Variants in DOCK11 observed in about 807,000 individuals in gnomAD.
The protein encoded by DOCK11 is dedicator of cytokinesis protein 11.
DOCK11 carries 70 observed loss-of-function variants against 169.1 expected under a neutral mutation model. The ratio of observed to expected loss-of-function variants is 0.41; its 90% CI spans 0.34 to 0.51. DOCK11 has a LOEUF of 0.51. Ranked by LOEUF, DOCK11 falls within the 20% of genes least tolerant of loss-of-function variation. The probability of loss-of-function intolerance (pLI) is 0.10; values close to 1 mark genes in which losing one functional copy is unlikely to be tolerated. For synonymous variants in DOCK11, 529 were observed against 541.3 expected (o/e 0.98, Z 0.32); for missense variants, 1,166 against 1,538.8 (o/e 0.76, Z 4.05).
intron 1 of DOCK11, among the ~76,000 whole-genome samples, chrX:118,510,366 G>A (rs2057642760): frequency 8.9e-6 from 1 of 112,425 alleles, no homozygotes; most frequent in South Asian, 3.7e-4. Context: ...ATACAGGTCT[G>A]CAGTCTGCAA....
intron 18 of DOCK11, among the ~76,000 whole-genome samples, chrX:118,589,216 GA>G (rs1202108584): frequency 9.3e-6 from 1 of 108,094 alleles, no homozygotes; most frequent in Non-Finnish European, 1.9e-5. Context: ...TTTGAAAAGA[GA>G]TTTTTTTTTT....
At chrX:118,560,431 C>G (rs2012868578) in intron 6 of DOCK11, among the ~76,000 whole-genome samples, 1 of 111,708 alleles carries the variant, frequency 9.0e-6, no homozygotes, top group Non-Finnish European at 1.9e-5. Flanking sequence ...AGACAAGATG[C>G]ATAGGAATGC....
intron 1 of DOCK11, among the ~76,000 whole-genome samples, chrX:118,534,581 G>A (rs992274720): frequency 1.8e-5 from 2 of 111,953 alleles, no homozygotes; most frequent in Non-Finnish European, 3.8e-5. Flanking sequence ...AAAGGCCTTC[G>A]AAATCATATT....
chrX:118,677,337 C>G lies in DOCK11; in HGVS notation c.5460+600C>G, dbSNP rs777900871. On this transcript the variant is annotated intron_variant, in intron 48 of 52. Transcript: ENST00000276202. ...GCCCTGCCAAGGCATAGTGAGAAGG[C>G]TTATATTATAGCAAGAGAGGCCCTT... is the stretch of plus-strand genomic sequence containing the variant. Among the ~76,000 whole-genome samples the G allele has an allele frequency of 1.6e-4, 18 of 112,294 alleles. No individual in the cohort carries two copies. The South Asian group carries it at 6.6e-3, about 41-fold the overall frequency.
intron 6 of DOCK11, among the ~76,000 whole-genome samples, chrX:118,558,379 C>T (rs1174169721): frequency 1.8e-5 from 2 of 111,654 alleles, no homozygotes; most frequent in African/African-American, 6.5e-5. Context: ...CTATTGGTTA[C>T]AAAAGGCTCG....
chrX:118,653,676 A>G (rs1377370787), intron 42 of DOCK11, among the ~76,000 whole-genome samples: 1 of 111,759 alleles, frequency 8.9e-6, no homozygotes, highest in Non-Finnish European at 1.9e-5. Context: ...GGCCTCCCAA[A>G]GTGCTGGGAT....
chrX:118,605,347 A>G lies in DOCK11; in HGVS notation c.2672A>G (p.Asn891Ser). The G allele has an allele frequency of 8.6e-7, 1 of 1,160,074 alleles. No individual in the cohort carries two copies. The highest frequency in any genetic ancestry group is 1.2e-6 in the Non-Finnish European group (1 of 858,766). ...ACCCATGAAGATGACGTTCCTATCA[A>G]CTGCACCATGTGAGTTTTGGTGTTA... ...NMTHEDDVPINCTMVLLHIVS... is the reference protein window; with the variant it reads ...NMTHEDDVPISCTMVLLHIVS... Residue 891 changes from asparagine to serine, a missense_variant, in exon 24 of 53, where the codon AAC (asparagine) becomes AGC (serine). Transcript: ENST00000276202.
At position 118,496,022 on chromosome X, in the gene DOCK11, G is replaced by A; in HGVS notation, c.51G>A (p.Ala17=). ...AACGGCTCAGCAAGCCTGGCACGGC[G>A]GCTGAGCTCCGGCAGAGCGTGTCTG... ...FTKRLSKPGT[A]AELRQSVSEA... The change falls in exon 1 of 53, where the codon GCG becomes GCA. Residue 17 remains alanine (A), a synonymous_variant. Transcript: ENST00000276202. 9.1e-7 allele frequency: 1 copy of A among 1,097,484 alleles called. No individual in the cohort carries two copies. The highest frequency in any genetic ancestry group is 1.2e-6 in the Non-Finnish European group (1 of 844,234). 90.4% of individuals were successfully genotyped at this position (1,097,484 alleles called of 1,213,427 possible). A position where few individuals can be genotyped will look rare whatever the true frequency, so the allele number is the denominator to read the frequency against.
chrX:118,671,554 C>T (rs961147955), intron 46 of DOCK11, among the ~76,000 whole-genome samples: 1 of 111,829 alleles, frequency 8.9e-6, no homozygotes, highest in Non-Finnish European at 1.9e-5. Context: ...TTCCTCTGGT[C>T]CTGCTTATGA....
At chrX:118,570,214 A>G (rs755446723) in intron 10 of DOCK11, among the ~76,000 whole-genome samples, 5 of 112,050 alleles carry the variant, frequency 4.5e-5, no homozygotes, top group Non-Finnish European at 9.4e-5. Flanking sequence ...ACCTTAGAGA[A>G]TAAAGAAACA....
At chrX:118,589,217 A>ATT (rs112612053) in intron 18 of DOCK11, among the ~76,000 whole-genome samples, 3 of 104,937 alleles carry the variant, frequency 2.9e-5, no homozygotes, top group Non-Finnish European at 5.9e-5. Context: ...TTGAAAAGAG[A>ATT]TTTTTTTTTT....
chrX:118,622,128 C>T (rs1361575517), intron 31 of DOCK11, among the ~76,000 whole-genome samples: 3 of 111,353 alleles, frequency 2.7e-5, no homozygotes, highest in African/African-American at 6.5e-5. Flanking sequence ...AAAAGTAATC[C>T]ACGTGCATGG....
intron 6 of DOCK11, among the ~76,000 whole-genome samples, chrX:118,548,275 A>G (rs145542178): frequency 0.012 from 1,320 of 112,433 alleles, 21 homozygotes; most frequent in African/African-American, 0.041. Flanking sequence ...ATTATAAGCC[A>G]AAAAGCACAT....
At chrX:118,671,483 C>G (rs2016471540) in intron 46 of DOCK11, among the ~76,000 whole-genome samples, 1 of 110,405 alleles carries the variant, frequency 9.1e-6, no homozygotes, top group Non-Finnish European at 1.9e-5. Flanking sequence ...ACATTTCCCC[C>G]ATAAATTGTA....
chrX:118,506,797 T>G (rs1018259993), intron 1 of DOCK11, among the ~76,000 whole-genome samples: 1 of 112,539 alleles, frequency 8.9e-6, no homozygotes, highest in African/African-American at 3.2e-5. Context: ...TTAAGGATAG[T>G]GTGTGGCTGG....
chrX:118,658,788 C>G (rs1368382083), intron 44 of DOCK11, among the ~76,000 whole-genome samples: 1 of 112,058 alleles, frequency 8.9e-6, no homozygotes, highest in Non-Finnish European at 1.9e-5. Flanking sequence ...CTCAAATTTT[C>G]TAGATCACAT....
intron 32 of DOCK11, among the ~76,000 whole-genome samples, chrX:118,625,068 A>G (rs2015068488): frequency 9.1e-6 from 1 of 110,106 alleles, no homozygotes; most frequent in Non-Finnish European, 1.9e-5. Context: ...CCAAGAGTTC[A>G]GTTTTTACTC....
intron 6 of DOCK11, among the ~76,000 whole-genome samples, chrX:118,547,577 C>T (rs1015525233): frequency 1.8e-5 from 2 of 112,189 alleles, no homozygotes; most frequent in Non-Finnish European, 1.9e-5. Flanking sequence ...GCAATAGGTA[C>T]TGCTAACTAT....
intron 46 of DOCK11, among the ~76,000 whole-genome samples, chrX:118,673,260 G>A (rs769372466): frequency 8.9e-6 from 1 of 111,949 alleles, no homozygotes; most frequent in East Asian, 2.8e-4. Flanking sequence ...TTGGAGGGGT[G>A]TAAGGGTCTG....
Sources: gnomAD v4.1 joint callset for allele counts (sites outside exome capture counted in the v4.1 genomes callset) on GRCh38, gnomAD v4.1.1 for gene constraint, MANE v1.5 for transcripts, NCBI Gene and HGNC (gene_info 2026-07-23, HGNC 2026-07-21) for gene names.